KCTD16: variants seen among roughly 807,000 people sequenced by gnomAD.
KCTD16 encodes the protein BTB/POZ domain-containing protein KCTD16.
In KCTD16, 13 loss-of-function variants were observed where a neutral mutation model predicts 33.2. That is an observed-to-expected ratio of 0.39 (90% CI 0.25 to 0.62). The LOEUF (loss-of-function observed/expected upper bound fraction) is 0.62. KCTD16 is among the 20% of genes least tolerant of loss of function. KCTD16 has a pLI of 0.50. For synonymous variants in KCTD16, 197 were observed against 195.3 expected (o/e 1.01, Z -0.07); for missense variants, 441 against 525.1 (o/e 0.84, Z 1.57).
At chr5:144,345,988 A>C (rs1580890384) in intron 3 of KCTD16, among the ~76,000 whole-genome samples, 2 of 140,882 alleles carry the variant, frequency 1.4e-5, no homozygotes, top group Admixed American at 7.4e-5. Context: ...AACTACCTCC[A>C]CCTCCCCCCA....
rs548665091 is a variant in KCTD16, at chr5:144,364,090, A to G, written c.833-109570A>G. ...TTTGTTCTCAGACATTTGATTTCCT[A>G]TGGTCACTTTTGGAATGAAAATAAT... On this transcript the variant is annotated intron_variant, in intron 3 of 3. Transcript: ENST00000512467. Among the ~76,000 whole-genome samples the G allele has an allele frequency of 2.0e-5, 3 of 152,278 alleles. No homozygotes were observed. The South Asian group carries it at 6.2e-4, about 32-fold the overall frequency.
chr5:144,404,847 A>G (rs1251062717), intron 3 of KCTD16, among the ~76,000 whole-genome samples: 1 of 152,138 alleles, frequency 6.6e-6, no homozygotes, highest in African/African-American at 2.4e-5. Context: ...AGATTATTTC[A>G]CTTCCGAACT....
chr5:144,333,706 C>G (rs571772784), intron 3 of KCTD16, among the ~76,000 whole-genome samples: 1 of 152,226 alleles, frequency 6.6e-6, no homozygotes, highest in African/African-American at 2.4e-5. Flanking sequence ...CTGGGCATGT[C>G]CATGGCAAAG....
At chr5:144,260,744 T>G (rs1413450147) in intron 3 of KCTD16, among the ~76,000 whole-genome samples, 1 of 140,102 alleles carries the variant, frequency 7.1e-6, no homozygotes, top group Non-Finnish European at 1.6e-5. Context: ...CTGTTTTTTT[T>G]GTTGTTGTTG....
In KCTD16 at chr5:144,476,963, A is replaced by G. The variant is rs1754608270; in HGVS notation, c.*2849A>G. Reference sequence around the variant, plus strand: ...TTGCTAATATAAAGAAGTTAGTAGTATTGAGTGGATACAATGAATGGGGAA... The same window carrying G: ...TTGCTAATATAAAGAAGTTAGTAGTGTTGAGTGGATACAATGAATGGGGAA... On this transcript the variant is annotated 3_prime_UTR_variant, in exon 4 of 4. Transcript: ENST00000512467. 1 of 152,194 alleles carries G rather than the reference A, an allele frequency of 6.6e-6. No individual in the cohort carries two copies. The highest frequency in any genetic ancestry group is 2.4e-5 in the African/African-American group (1 of 41,458). 9.4% of individuals were successfully genotyped at this position (152,194 alleles called of 1,614,324 possible).
chr5:144,311,448 A>T (rs1751765283), intron 3 of KCTD16, among the ~76,000 whole-genome samples: 1 of 152,170 alleles, frequency 6.6e-6, no homozygotes. Flanking sequence ...CTCTACTTCT[A>T]GGAAGTATGC....
At chr5:144,471,575 T>C (rs937002294) in intron 3 of KCTD16, among the ~76,000 whole-genome samples, 2 of 152,166 alleles carry the variant, frequency 1.3e-5, no homozygotes, top group Non-Finnish European at 2.9e-5. Flanking sequence ...CATTTTGGTA[T>C]AGGGGTTGCC....
intron 3 of KCTD16, among the ~76,000 whole-genome samples, chr5:144,218,702 G>T (rs1753638493): frequency 6.6e-6 from 1 of 151,984 alleles, no homozygotes; most frequent in Admixed American, 6.6e-5. Context: ...TATCAAAATG[G>T]TATATACCAT....
chr5:144,343,165 C>T (rs1752691855), intron 3 of KCTD16, among the ~76,000 whole-genome samples: 1 of 152,190 alleles, frequency 6.6e-6, no homozygotes, highest in East Asian at 1.9e-4. Context: ...ACCAGTTCCT[C>T]CTTGTACCTC....
chr5:144,411,153 A>C (rs992044936), intron 3 of KCTD16, among the ~76,000 whole-genome samples: 12 of 152,204 alleles, frequency 7.9e-5, no homozygotes, highest in African/African-American at 2.7e-4. Context: ...TCAAAATGCC[A>C]ATGACATTCT....
chr5:144,204,635 C>G (rs1320549692), intron 2 of KCTD16, among the ~76,000 whole-genome samples: 1 of 152,128 alleles, frequency 6.6e-6, no homozygotes, highest in East Asian at 1.9e-4. Context: ...TTGCAGGTAT[C>G]AATTTCTTAC....
intron 3 of KCTD16, among the ~76,000 whole-genome samples, chr5:144,426,418 C>T (rs538355393): frequency 4.0e-4 from 61 of 152,216 alleles, no homozygotes; most frequent in African/African-American, 1.4e-3. Flanking sequence ...CAGAATCACC[C>T]TTAATGCTTC....
intron 3 of KCTD16, among the ~76,000 whole-genome samples, chr5:144,404,203 G>A (rs1438657711): frequency 6.6e-6 from 1 of 152,156 alleles, no homozygotes; most frequent in Non-Finnish European, 1.5e-5. Flanking sequence ...CAAACTTTCT[G>A]TGTAGCAAGC....
chr5:144,199,707 ATTTTTTTTTTTTTTT>A (rs574670606), intron 2 of KCTD16, among the ~76,000 whole-genome samples: 2 of 67,738 alleles, frequency 3.0e-5, no homozygotes, highest in South Asian at 5.1e-4. Context: ...GAACAGCTTC[ATTTTTTTTTTTTTTT>A]TTTTTTTTTT....
At chr5:144,414,258 GTAT>G (rs1294788427) in intron 3 of KCTD16, among the ~76,000 whole-genome samples, 1 of 152,102 alleles carries the variant, frequency 6.6e-6, no homozygotes, top group African/African-American at 2.4e-5. Flanking sequence ...ACATTGTATA[GTAT>G]TATAAAATAG....
intron 3 of KCTD16, among the ~76,000 whole-genome samples, chr5:144,407,038 G>A (rs1184472198): frequency 1.3e-5 from 2 of 152,102 alleles, no homozygotes; most frequent in Admixed American, 1.3e-4. Context: ...GAACAAACAA[G>A]AAGAAGGCTT....
intron 3 of KCTD16, among the ~76,000 whole-genome samples, chr5:144,354,438 C>T (rs1009491184): frequency 6.6e-6 from 1 of 152,162 alleles, no homozygotes; most frequent in Non-Finnish European, 1.5e-5. Flanking sequence ...TCGTATTACC[C>T]CTGGGGTTCA....
At chr5:144,204,375 C>T (rs1753113252) in intron 2 of KCTD16, among the ~76,000 whole-genome samples, 1 of 152,196 alleles carries the variant, frequency 6.6e-6, no homozygotes, top group South Asian at 2.1e-4. Flanking sequence ...AAATGGCCGA[C>T]TTACTGTAAG....
At chr5:144,201,065 T>C (rs1349763316) in intron 2 of KCTD16, among the ~76,000 whole-genome samples, 1 of 152,156 alleles carries the variant, frequency 6.6e-6, no homozygotes, top group Non-Finnish European at 1.5e-5. Flanking sequence ...TTAAATTTTT[T>C]CCCCCATTGG....
Sources: allele counts gnomAD v4.1 joint callset (sites outside exome capture counted in the v4.1 genomes callset), GRCh38; gene constraint gnomAD v4.1.1; transcripts MANE v1.5; gene names NCBI Gene and HGNC (gene_info 2026-07-23, HGNC 2026-07-21).